The following IL12RB2 variants were observed in gnomAD, a reference collection of about 807,000 sequenced individuals.
The protein encoded by IL12RB2 is interleukin-12 receptor subunit beta-2.
Under a neutral mutation model 89.4 loss-of-function variants are expected in IL12RB2, and 82 were observed. The ratio of observed to expected loss-of-function variants is 0.92; its 90% CI spans 0.77 to 1.10. IL12RB2 has a LOEUF of 1.10. Ranked by LOEUF, IL12RB2 falls within the 50% of genes least tolerant of loss-of-function variation. The probability of loss-of-function intolerance (pLI) is 0.00; values close to 1 mark genes in which losing one functional copy is unlikely to be tolerated. For missense variants in IL12RB2, 963 were observed against 1,031.9 expected (o/e 0.93, Z 0.92); for synonymous variants, 368 against 370.1 (o/e 0.99, Z 0.07).
intron 16 of IL12RB2, among the ~76,000 whole-genome samples, chr1:67,392,623 CTTTTTTTTTTTTT>C (rs527587132): frequency 2.4e-5 from 2 of 84,250 alleles, no homozygotes; most frequent in African/African-American, 9.5e-5. Context: ...TTTTAGATAT[CTTTTTTTTTTTTT>C]TTTTTTTTTT....
At position 67,329,579 on chromosome 1, in the gene IL12RB2, G is replaced by T. The variant is rs1336891243; in HGVS notation, c.665-8G>T. The T allele has an allele frequency of 6.4e-7, 1 of 1,557,452 alleles. No individual in the cohort carries two copies. The highest frequency in any genetic ancestry group is 8.9e-7 in the Non-Finnish European group (1 of 1,128,342). On this transcript the variant is annotated splice_polypyrimidine_tract_variant and splice_region_variant and intron_variant, in intron 6 of 16. Transcript: ENST00000674203. ...GAACCACACTTTTTTGTTTGTCCTG[G>T]TTACTAGTGAGGCCTCTTCCTCCGT...
At chr1:67,390,717 A>G (rs6588260) in intron 16 of IL12RB2, among the ~76,000 whole-genome samples, 99,488 of 151,884 alleles carry the variant, frequency 0.66, 33,128 homozygotes, top group South Asian at 0.73. Context: ...CCCAGGAAAG[A>G]AGGTGAGAAA....
chr1:67,340,557 T>G (rs1321314710), intron 9 of IL12RB2, among the ~76,000 whole-genome samples: 1 of 152,168 alleles, frequency 6.6e-6, no homozygotes, highest in Admixed American at 6.5e-5. Context: ...ACAAGACCAT[T>G]GTGGGGATCA....
chr1:67,338,137 G>A lies in IL12RB2; in HGVS notation c.959-487G>A, dbSNP rs1406577963. 2.7e-5 allele frequency among the ~76,000 whole-genome samples: 4 copies of A among 150,928 alleles called. No homozygotes were observed. The East Asian group carries it at 7.8e-4, about 29-fold the overall frequency. On this transcript the variant is annotated intron_variant, in intron 8 of 16. Coordinates refer to ENST00000674203, the MANE Select transcript of IL12RB2 (RefSeq NM_001374259.2). ...TGAGCTCAGGAGTTCAAGACCAGCC[G>A]GGGCAACATGATGAAAGCCTGTCTG...
At chr1:67,394,176 G>A (rs1035338805) in intron 16 of IL12RB2, among the ~76,000 whole-genome samples, 1 of 152,160 alleles carries the variant, frequency 6.6e-6, no homozygotes, top group Non-Finnish European at 1.5e-5. Context: ...AGCAGCTTCT[G>A]AAGAGAAAGA....
At chr1:67,380,234 T>C in intron 14 of IL12RB2, 111 bp downstream of exon 14, 1 of 1,128,218 alleles carries the variant, frequency 8.9e-7, no homozygotes, top group Non-Finnish European at 1.3e-6. Flanking sequence ...CACTAAAAAC[T>C]TTCTTGCTGT....
Position 67,396,991 on chromosome 1 carries a change from A to T in IL12RB2, c.*902A>T, listed in dbSNP as rs1207190288. On this transcript the variant is annotated 3_prime_UTR_variant, in exon 17 of 17. Coordinates refer to ENST00000674203, the MANE Select transcript of IL12RB2 (RefSeq NM_001374259.2). ...ACTAAAAATATTTTTAAAAAAAATT[A>T]ACTGGGCGTGATGGCGGGCGCCTGT... The T allele has an allele frequency of 6.6e-6, 1 of 152,082 alleles. No homozygotes were observed. The highest frequency in any genetic ancestry group is 1.5e-5 in the Non-Finnish European group (1 of 68,050). 9.4% of individuals were successfully genotyped at this position (152,082 alleles called of 1,614,324 possible). A position where few individuals can be genotyped will look rare whatever the true frequency, so the allele number is the denominator to read the frequency against.
intron 15 of IL12RB2, among the ~76,000 whole-genome samples, chr1:67,387,149 C>T (rs532101280): frequency 4.1e-4 from 62 of 150,990 alleles, no homozygotes; most frequent in Middle Eastern, 3.4e-3. Flanking sequence ...AGACTGGTCC[C>T]GAACTCCTGA....
chr1:67,338,625 G>A lies in IL12RB2; in HGVS notation c.960G>A (p.Glu320=). 7.0e-7 allele frequency: 1 copy of A among 1,432,050 alleles called. No homozygotes were observed. The highest frequency in any genetic ancestry group is 9.9e-7 in the Non-Finnish European group (1 of 1,013,628). 88.7% of individuals were successfully genotyped at this position (1,432,050 alleles called of 1,614,324 possible). Residue 320 remains glutamate (E), a splice_region_variant and synonymous_variant, in exon 9 of 17, where the codon GAG becomes GAA. Coordinates refer to ENST00000674203, the MANE Select transcript of IL12RB2 (RefSeq NM_001374259.2). ...ESLRAQTPEE[E]PTGMLDVWYM... ...GTCTTTTTTTCTCCTTTGAAACAGA[G>A]CCTACTGGGATGTTAGATGTCTGGT...
chr1:67,360,310 A>C (rs1661882347), intron 10 of IL12RB2, among the ~76,000 whole-genome samples: 1 of 151,916 alleles, frequency 6.6e-6, no homozygotes, highest in Admixed American at 6.6e-5. Flanking sequence ...GAGGCAGGAT[A>C]ATCACTTGAA....
chr1:67,338,143 A>G (rs1659040521), intron 8 of IL12RB2, among the ~76,000 whole-genome samples: 1 of 151,548 alleles, frequency 6.6e-6, no homozygotes, highest in African/African-American at 2.4e-5. Flanking sequence ...AGCCGGGGCA[A>G]CATGATGAAA....
At chr1:67,350,600 A>G (rs546753159) in intron 9 of IL12RB2, among the ~76,000 whole-genome samples, 2 of 152,370 alleles carry the variant, frequency 1.3e-5, no homozygotes, top group Non-Finnish European at 2.9e-5. Flanking sequence ...GTTGTCTACT[A>G]TTAGTAAGTT....
At chr1:67,347,670 A>C (rs1660386559) in intron 9 of IL12RB2, among the ~76,000 whole-genome samples, 1 of 152,204 alleles carries the variant, frequency 6.6e-6, no homozygotes, top group Admixed American at 6.5e-5. Context: ...GCAGAAAGAA[A>C]ATGGAAGGAG....
chr1:67,312,009 A>G (rs578188092), intron 1 of IL12RB2, among the ~76,000 whole-genome samples: 22 of 152,232 alleles, frequency 1.4e-4, no homozygotes, highest in Non-Finnish European at 2.5e-4. Flanking sequence ...AGACTTCCAG[A>G]TTGAGGATGT....
chr1:67,313,079 C>A (rs1357936160), intron 1 of IL12RB2, among the ~76,000 whole-genome samples: 1 of 152,226 alleles, frequency 6.6e-6, no homozygotes, highest in Admixed American at 6.5e-5. Flanking sequence ...TTGTTACATT[C>A]TTTCACCAAA....
Position 67,329,614 on chromosome 1 carries a change from G to T in IL12RB2, c.692G>T (p.Arg231Ile). The T allele has an allele frequency of 6.3e-7, 1 of 1,588,250 alleles. No individual in the cohort carries two copies. Among genetic ancestry groups the T allele is most frequent in the South Asian group, 1.1e-5 (1 of 90,562 alleles). Residue 231 changes from arginine to isoleucine, a missense_variant, in exon 7 of 17, where the codon AGA becomes ATA. Coordinates refer to ENST00000674203, the MANE Select transcript of IL12RB2 (RefSeq NM_001374259.2). ...AGGCCTCTTCCTCCGTGGGACATTA[G>T]AATCAAATTTCAAAAGGCTTCTGTG... ...IVRPLPPWDI[R>I]IKFQKASVSR...
At chr1:67,395,464 G>A in intron 16 of IL12RB2, 83 bp from the exon 17 acceptor site, 1 of 1,612,124 alleles carries the variant, frequency 6.2e-7, no homozygotes, top group Non-Finnish European at 8.5e-7. Flanking sequence ...TGCAGGTTGT[G>A]AGGCCTTTGG....
At chr1:67,374,484 T>C (rs1663728748) in intron 13 of IL12RB2, among the ~76,000 whole-genome samples, 1 of 151,920 alleles carries the variant, frequency 6.6e-6, no homozygotes, top group Non-Finnish European at 1.5e-5. Flanking sequence ...TTCTTTTTTT[T>C]TTTTTTTTTC....
intron 2 of IL12RB2, among the ~76,000 whole-genome samples, chr1:67,319,474 C>T (rs1656212454): frequency 6.6e-6 from 1 of 152,196 alleles, no homozygotes; most frequent in Non-Finnish European, 1.5e-5. Flanking sequence ...TCCTTTTTTA[C>T]TGCCAAAGAG....
Sources: allele counts gnomAD v4.1 joint callset (sites outside exome capture counted in the v4.1 genomes callset), GRCh38; gene constraint gnomAD v4.1.1; transcripts MANE v1.5; gene names NCBI Gene and HGNC (gene_info 2026-07-23, HGNC 2026-07-21).